The following KCNC2 variants were observed in gnomAD, a reference collection of about 807,000 sequenced individuals.
The protein encoded by KCNC2 is potassium voltage-gated channel subfamily C member 2, also known as voltage-gated potassium channel KCNC2.
In KCNC2, 21 loss-of-function variants were observed where a neutral mutation model predicts 44.5. The ratio of observed to expected loss-of-function variants is 0.47; its 90% CI spans 0.33 to 0.68. KCNC2 has a LOEUF of 0.68. Among genes scored for constraint, KCNC2 ranks in the 30% least tolerant of loss-of-function variants. The probability of loss-of-function intolerance (pLI) is 0.01; values close to 1 mark genes in which losing one functional copy is unlikely to be tolerated. For missense variants in KCNC2, 589 were observed against 826.2 expected (o/e 0.71, Z 3.52); for synonymous variants, 391 against 339.1 (o/e 1.15, Z -1.68).
At chr12:75,208,509 T>C (rs2031895529) in intron 1 of KCNC2, among the ~76,000 whole-genome samples, 1 of 151,830 alleles carries the variant, frequency 6.6e-6, no homozygotes. Context: ...TCCCCTAGCT[T>C]GGATGCAATT....
At chr12:75,137,107 A>T (rs1889287220) in intron 2 of KCNC2, among the ~76,000 whole-genome samples, 1 of 152,186 alleles carries the variant, frequency 6.6e-6, no homozygotes, top group African/African-American at 2.4e-5. Flanking sequence ...AAAATCTAAC[A>T]GACACTTTTA....
chr12:75,177,667 C>A (rs375757082), intron 2 of KCNC2, among the ~76,000 whole-genome samples: 1 of 151,884 alleles, frequency 6.6e-6, no homozygotes, highest in Non-Finnish European at 1.5e-5. Flanking sequence ...ATATCATACA[C>A]AGAAAGAAAA....
At chr12:75,088,589 CT>C (rs1163651452) in intron 2 of KCNC2, among the ~76,000 whole-genome samples, 1 of 151,986 alleles carries the variant, frequency 6.6e-6, no homozygotes, top group Non-Finnish European at 1.5e-5. Context: ...TAGTTATGCT[CT>C]CTTTAATTTC....
At chr12:75,075,040 C>T (rs1012225622) in intron 2 of KCNC2, among the ~76,000 whole-genome samples, 1 of 152,046 alleles carries the variant, frequency 6.6e-6, no homozygotes, top group African/African-American at 2.4e-5. Flanking sequence ...ATGAAAGTTT[C>T]ATGTGGAGAA....
chr12:75,157,770 A>G (rs1459938847), intron 2 of KCNC2, among the ~76,000 whole-genome samples: 1 of 151,908 alleles, frequency 6.6e-6, no homozygotes, highest in Non-Finnish European at 1.5e-5. Context: ...ACTGACAGTG[A>G]TTATTTTAAT....
At chr12:75,149,022 G>A (rs894942470) in intron 2 of KCNC2, among the ~76,000 whole-genome samples, 1 of 150,104 alleles carries the variant, frequency 6.7e-6, no homozygotes, top group African/African-American at 2.4e-5. Flanking sequence ...AAGAATCATA[G>A]AGGAAATTGA....
chr12:75,090,074 A>T (rs1440716222), intron 2 of KCNC2, among the ~76,000 whole-genome samples: 1 of 151,622 alleles, frequency 6.6e-6, no homozygotes, highest in Non-Finnish European at 1.5e-5. Context: ...TTATTAACAA[A>T]CCAATTGATT....
chr12:75,045,164 G>C (rs1317312037), intron 4 of KCNC2, among the ~76,000 whole-genome samples: 1 of 151,936 alleles, frequency 6.6e-6, no homozygotes, highest in Admixed American at 6.6e-5. Context: ...GAATATGCAT[G>C]AACTAAATGG....
intron 2 of KCNC2, among the ~76,000 whole-genome samples, chr12:75,129,170 G>A (rs1334251983): frequency 6.6e-6 from 1 of 152,036 alleles, no homozygotes; most frequent in Non-Finnish European, 1.5e-5. Flanking sequence ...TGGTATCAAG[G>A]GCAAAGGAAC....
intron 2 of KCNC2, among the ~76,000 whole-genome samples, chr12:75,077,728 T>C (rs1469305778): frequency 6.6e-6 from 1 of 152,206 alleles, no homozygotes; most frequent in Admixed American, 6.5e-5. Flanking sequence ...TAATGTCCTT[T>C]GTTAGAACAC....
chr12:75,083,228 T>C (rs1884670408), intron 2 of KCNC2, among the ~76,000 whole-genome samples: 1 of 151,786 alleles, frequency 6.6e-6, no homozygotes, highest in Non-Finnish European at 1.5e-5. Flanking sequence ...TGCTGTTTTC[T>C]GTTTGCTATT....
intron 2 of KCNC2, among the ~76,000 whole-genome samples, chr12:75,141,373 GT>G (rs1889640237): frequency 6.6e-6 from 1 of 152,174 alleles, no homozygotes; most frequent in Non-Finnish European, 1.5e-5. Flanking sequence ...AATCGATAAA[GT>G]TTCTTTAAAT....
intron 2 of KCNC2, among the ~76,000 whole-genome samples, chr12:75,180,751 CT>C (rs1892518032): frequency 6.6e-6 from 1 of 151,692 alleles, no homozygotes; most frequent in African/African-American, 2.4e-5. Flanking sequence ...TACTTAATAG[CT>C]TTTAGAAAGA....
At chr12:75,090,830 T>G (rs765151827) in intron 2 of KCNC2, among the ~76,000 whole-genome samples, 5 of 151,688 alleles carry the variant, frequency 3.3e-5, no homozygotes, top group Non-Finnish European at 5.9e-5. Context: ...AGCCTCCAAG[T>G]GTCTAACTGC....
chr12:75,203,411 ATTTTCAAGATTT>A (rs2031452411), intron 2 of KCNC2, among the ~76,000 whole-genome samples: 2 of 151,806 alleles, frequency 1.3e-5, no homozygotes, highest in South Asian at 4.1e-4. Flanking sequence ...TAATATGAAT[ATTTTCAAGATTT>A]AAAAAATGAT....
chr12:75,080,280 T>G (rs1884369380), intron 2 of KCNC2, among the ~76,000 whole-genome samples: 1 of 30,780 alleles, frequency 3.2e-5, no homozygotes, highest in African/African-American at 1.1e-4. Context: ...ATCCTCTCTT[T>G]GTAGCATTTT....
chr12:75,107,025 C>T (rs977082691), intron 2 of KCNC2, among the ~76,000 whole-genome samples: 14 of 151,726 alleles, frequency 9.2e-5, no homozygotes, highest in African/African-American at 2.4e-4. Context: ...ATCATGGGGG[C>T]TGGGCGTGGT....
At chr12:75,141,204 C>A (rs1456236176) in intron 2 of KCNC2, among the ~76,000 whole-genome samples, 1 of 152,158 alleles carries the variant, frequency 6.6e-6, no homozygotes, top group Admixed American at 6.6e-5. Context: ...TATTTTCAAA[C>A]CCTTCAACCA....
chr12:75,207,203 C>G lies in KCNC2; in HGVS notation c.687+94G>C, dbSNP rs377026195. ...GAAATCCCGGGTCTCTTCTACCCCCCATGCCTGAGGCCCTGGGGTGGAAAA... is the reference window on the plus strand; with the variant it reads ...GAAATCCCGGGTCTCTTCTACCCCCGATGCCTGAGGCCCTGGGGTGGAAAA... On this transcript the variant is annotated intron_variant, in intron 2 of 4. Coordinates refer to ENST00000549446, the MANE Select transcript of KCNC2 (RefSeq NM_139137.4). This position sits in a 1 kb window ranked among gnomAD's most constrained non-coding sequence, Gnocchi z 4.1. 167 of 1,478,780 alleles carry G rather than the reference C, an allele frequency of 1.1e-4. 3 individuals are homozygous for G. In the East Asian group the frequency reaches 3.3e-3, roughly 29 times the overall value. 91.6% of individuals were successfully genotyped at this position (1,478,780 alleles called of 1,614,324 possible).
Sources: gnomAD v4.1 joint callset for allele counts (sites outside exome capture counted in the v4.1 genomes callset) on GRCh38, gnomAD v4.1.1 for gene constraint, Gnocchi (gnomAD v3.1) non-coding constraint, MANE v1.5 for transcripts, NCBI Gene and HGNC (gene_info 2026-07-23, HGNC 2026-07-21) for gene names.